DISC1: variants seen among roughly 807,000 people sequenced by gnomAD.
DISC1 encodes disrupted in schizophrenia 1 protein.
In DISC1, 57 loss-of-function variants were observed where a neutral mutation model predicts 84.5. That is an observed-to-expected ratio of 0.67 (90% CI 0.55 to 0.84). DISC1 has a LOEUF of 0.84. DISC1 is among the 40% of genes least tolerant of loss of function. DISC1 has a pLI of 0.00. For synonymous variants in DISC1, 411 were observed against 415.2 expected (o/e 0.99, Z 0.12); for missense variants, 1,000 against 1,057.8 (o/e 0.95, Z 0.76).
At chr1:231,734,469 T>C (rs1452739447) in intron 3 of DISC1, among the ~76,000 whole-genome samples, 3 of 145,434 alleles carry the variant, frequency 2.1e-5, no homozygotes, top group Admixed American at 1.4e-4. Flanking sequence ...GCAAGGCCTA[T>C]TGGCATCACG....
intron 11 of DISC1, among the ~76,000 whole-genome samples, chr1:232,022,092 G>A (rs905729710): frequency 6.6e-6 from 1 of 152,138 alleles, no homozygotes; most frequent in Admixed American, 6.5e-5. Context: ...TACATTGAAG[G>A]AATTTCAAGG....
intron 9 of DISC1, among the ~76,000 whole-genome samples, chr1:231,881,575 C>T (rs1490830548): frequency 6.6e-6 from 1 of 152,124 alleles, no homozygotes; most frequent in East Asian, 1.9e-4. Context: ...TCTGAGGTCC[C>T]AGGGGTTAAG....
chr1:231,767,239 C>T lies in DISC1; in HGVS notation c.1368C>T (p.Asp456=). The T allele has an allele frequency of 6.2e-6, 10 of 1,614,224 alleles. No homozygotes were observed. The highest frequency in any genetic ancestry group is 8.5e-6 in the Non-Finnish European group (10 of 1,180,042). Residue 456 remains aspartate, a synonymous_variant, in exon 5 of 13, where the codon GAC becomes GAT. Coordinates refer to ENST00000439617, the MANE Select transcript of DISC1 (RefSeq NM_018662.3). ...TGCACGTGTCCATCACGAGACGAGA[C>T]TGGCTTCTTCAGGAAAAGCAGCAGC... ...DSLHVSITRR[D]WLLQEKQQLQ...
chr1:231,904,397 C>T (rs2088460079), intron 9 of DISC1, among the ~76,000 whole-genome samples: 1 of 152,144 alleles, frequency 6.6e-6, no homozygotes, highest in Non-Finnish European at 1.5e-5. Flanking sequence ...AAAGTAAGCA[C>T]TGCTGGAGAG....
At chr1:231,819,174 T>C in intron 9 of DISC1, 1 of 969,880 alleles carries the variant, frequency 1.0e-6, no homozygotes, top group Non-Finnish European at 1.2e-6. Flanking sequence ...TCTTAAAAAA[T>C]GGTTCCTAAA....
chr1:231,944,352 G>A (rs1032435016), intron 9 of DISC1, among the ~76,000 whole-genome samples: 14 of 152,158 alleles, frequency 9.2e-5, no homozygotes, highest in African/African-American at 3.4e-4. Flanking sequence ...GTTTGTGGGG[G>A]CTAAAGAAAA....
chr1:231,931,739 C>G (rs1374190481), intron 9 of DISC1, among the ~76,000 whole-genome samples: 1 of 151,072 alleles, frequency 6.6e-6, no homozygotes, highest in Non-Finnish European at 1.5e-5. Context: ...GCCTTAAACT[C>G]TTTGACTCAA....
intron 6 of DISC1, among the ~76,000 whole-genome samples, chr1:231,775,617 AC>A (rs986704911): frequency 6.6e-6 from 1 of 152,092 alleles, no homozygotes; most frequent in African/African-American, 2.4e-5. Context: ...CAAAAGGAGA[AC>A]CCTTTTTAAG....
chr1:232,011,597 G>A (rs955080397), intron 11 of DISC1, among the ~76,000 whole-genome samples: 17 of 152,180 alleles, frequency 1.1e-4, no homozygotes, highest in Non-Finnish European at 2.1e-4. Flanking sequence ...TGCCAGGAAA[G>A]GGGAAGGGAC....
chr1:231,875,698 A>G lies in DISC1; in HGVS notation c.1981+57181A>G, dbSNP rs374906670. Reference sequence around the variant, plus strand: ...TCTGAATTACCAAGTACAAGGCTCCATGGTCATTTTCACTCTCCTGTCTGG... The same window carrying G: ...TCTGAATTACCAAGTACAAGGCTCCGTGGTCATTTTCACTCTCCTGTCTGG... On this transcript the variant is annotated intron_variant, in intron 9 of 12. Coordinates refer to ENST00000439617, the MANE Select transcript of DISC1 (RefSeq NM_018662.3). Among the ~76,000 whole-genome samples the G allele has an allele frequency of 2.6e-4, 39 of 152,302 alleles. No homozygotes were observed. The South Asian group carries it at 6.6e-3, about 26-fold the overall frequency.
At chr1:231,941,628 A>T (rs919468603) in intron 9 of DISC1, among the ~76,000 whole-genome samples, 26 of 152,086 alleles carry the variant, frequency 1.7e-4, no homozygotes, top group African/African-American at 5.5e-4. Context: ...GCACGCCACC[A>T]TGCCCAGCTA....
chr1:231,976,825 A>T (rs1375326908), intron 10 of DISC1, among the ~76,000 whole-genome samples: 3 of 152,342 alleles, frequency 2.0e-5, no homozygotes, highest in African/African-American at 7.2e-5. Flanking sequence ...ACATTTTTCA[A>T]ATGTTTGTTG....
intron 10 of DISC1, among the ~76,000 whole-genome samples, chr1:231,969,186 G>GGTTTT (rs1553410638): frequency 1.1e-5 from 1 of 91,656 alleles, no homozygotes; most frequent in Admixed American, 1.4e-4. Context: ...ACACTCAGCG[G>GGTTTT]TTTTTTTTTT....
At chr1:231,681,167 T>C (rs2063653622) in intron 1 of DISC1, among the ~76,000 whole-genome samples, 1 of 152,196 alleles carries the variant, frequency 6.6e-6, no homozygotes, top group South Asian at 2.1e-4. Flanking sequence ...GACAATCGTT[T>C]AGGAGAATTA....
At chr1:231,892,560 G>A (rs2087317199) in intron 9 of DISC1, among the ~76,000 whole-genome samples, 2 of 152,074 alleles carry the variant, frequency 1.3e-5, no homozygotes, top group Non-Finnish European at 1.5e-5. Flanking sequence ...CTATGTTAGA[G>A]AGGAGGGTGA....
At chr1:231,645,661 C>T (rs1341706575) in intron 1 of DISC1, among the ~76,000 whole-genome samples, 1 of 152,038 alleles carries the variant, frequency 6.6e-6, no homozygotes, top group Non-Finnish European at 1.5e-5. Context: ...TAATGCTATC[C>T]CTCCCCGCAC....
At position 231,675,582 on chromosome 1, in the gene DISC1, G is replaced by C. The variant is rs1276040012; in HGVS notation, c.68-18244G>C. Among the ~76,000 whole-genome samples the C allele has an allele frequency of 6.6e-6, 1 of 152,136 alleles. No homozygotes were observed. The highest frequency in any genetic ancestry group is 1.5e-5 in the Non-Finnish European group (1 of 68,012). ...CTAGTAGGTCTCTCAAGGTGGCTGA[G>C]AGACCCTAGAAGGTACCAGTGTACC... On this transcript the variant is annotated intron_variant, in intron 1 of 12. Coordinates refer to ENST00000439617, the MANE Select transcript of DISC1 (RefSeq NM_018662.3). This position sits in a 1 kb window ranked among gnomAD's most constrained non-coding sequence, Gnocchi z 4.1.
chr1:231,770,907 G>C lies in DISC1; in HGVS notation c.1471G>C (p.Glu491Gln). 1.2e-6 allele frequency: 2 copies of C among 1,614,184 alleles called. No homozygotes were observed. Among genetic ancestry groups the C allele is most frequent in the Non-Finnish European group, 8.5e-7 (1 of 1,180,024 alleles). The change falls in exon 6 of 13, where the codon GAG becomes CAG. Residue 491 changes from glutamate (E) to glutamine (Q), a missense_variant. By Grantham distance (29) the Glu-to-Gln change is conservative. Around this residue, in one of 3 missense-constraint regions of DISC1, gnomAD observed 311 missense variants for 400.1 expected, o/e 0.78. Transcript: ENST00000439617. ...AGATCAACAGCTGAGAAGGGAAATA[G>C]AGGAGCAAGAGCAGCAACTCCAGTG... ...AKDQQLRREI[E>Q]EQEQQLQWQG...
At chr1:231,957,132 G>A (rs540283557) in intron 9 of DISC1, among the ~76,000 whole-genome samples, 67 of 152,270 alleles carry the variant, frequency 4.4e-4, no homozygotes, top group African/African-American at 1.4e-3. Flanking sequence ...ACAGTGGCCC[G>A]CTTGATTGGA....
Sources: allele counts gnomAD v4.1 joint callset (sites outside exome capture counted in the v4.1 genomes callset), GRCh38; gene constraint gnomAD v4.1.1; regional missense constraint gnomAD v4.1.1; non-coding constraint Gnocchi (gnomAD v3.1); transcripts MANE v1.5; gene names NCBI Gene and HGNC (gene_info 2026-07-23, HGNC 2026-07-21).